ATF6: variants seen among roughly 807,000 people sequenced by gnomAD.
The protein encoded by ATF6 is activating transcription factor 6, also known as cyclic AMP-dependent transcription factor ATF-6 alpha.
A neutral mutation model predicts 83.6 loss-of-function variants in ATF6; 53 were observed. That is an observed-to-expected ratio of 0.63 (90% CI 0.51 to 0.80). The LOEUF (loss-of-function observed/expected upper bound fraction) is 0.80. Ranked by LOEUF, ATF6 falls within the 30% of genes least tolerant of loss-of-function variation. The pLI, the probability that ATF6 is intolerant of heterozygous loss-of-function variation, is 0.00. For missense variants in ATF6, 744 were observed against 797.9 expected (o/e 0.93, Z 0.81); for synonymous variants, 288 against 285.8 (o/e 1.01, Z -0.08).
At chr1:161,859,961 T>C (rs1249898251) in intron 12 of ATF6, among the ~76,000 whole-genome samples, 1 of 152,178 alleles carries the variant, frequency 6.6e-6, no homozygotes, top group Non-Finnish European at 1.5e-5. Context: ...GACTAGCTTT[T>C]GGGCTCTTTC....
intron 2 of ATF6, among the ~76,000 whole-genome samples, chr1:161,781,308 AAGTG>A (rs1028601522): frequency 2.6e-5 from 4 of 152,176 alleles, no homozygotes; most frequent in Admixed American, 2.6e-4. Flanking sequence ...TAGGATTAAA[AAGTG>A]GTGTTTTTTT....
At chr1:161,841,154 C>G (rs1162712559) in intron 9 of ATF6, among the ~76,000 whole-genome samples, 1 of 152,164 alleles carries the variant, frequency 6.6e-6, no homozygotes, top group Non-Finnish European at 1.5e-5. Flanking sequence ...TTCTCATACT[C>G]TTTTATACAT....
chr1:161,851,729 C>CAGAAACAG lies in ATF6; in HGVS notation c.1328_1329insGAAACAGA (p.His443GlnfsTer12). The CAGAAACAG allele has an allele frequency of 6.2e-7, 1 of 1,611,808 alleles. No homozygotes were observed. ...TGTGCATCCATGTTTCAGATATGAT[C>CAGAAACAG]ATTCTGTTTCAAATGACAAAGCCCT... On this transcript the variant is annotated frameshift_variant, in exon 11 of 16. Transcript: ENST00000367942. LOFTEE classifies it high-confidence loss of function.
At chr1:161,925,175 C>T (rs1418587575) in intron 15 of ATF6, among the ~76,000 whole-genome samples, 3 of 152,164 alleles carry the variant, frequency 2.0e-5, no homozygotes, top group Admixed American at 6.5e-5. Context: ...CATGGTGCCT[C>T]GATTCTGGTC....
At chr1:161,868,497 C>G (rs1687057865) in intron 14 of ATF6, among the ~76,000 whole-genome samples, 3 of 152,008 alleles carry the variant, frequency 2.0e-5, no homozygotes, top group Admixed American at 6.6e-5. Flanking sequence ...ATATGATAAG[C>G]CTTTTGAAGG....
intron 14 of ATF6, among the ~76,000 whole-genome samples, chr1:161,869,979 G>A (rs913231723): frequency 2.0e-5 from 3 of 151,578 alleles, no homozygotes; most frequent in Non-Finnish European, 4.4e-5. Context: ...AAAATGGTAA[G>A]CATTAGAACT....
chr1:161,843,156 T>A (rs1686399168), intron 9 of ATF6, among the ~76,000 whole-genome samples: 1 of 152,184 alleles, frequency 6.6e-6, no homozygotes, highest in South Asian at 2.1e-4. Context: ...CTGGAGCCAT[T>A]TAGACGTGCC....
rs546890203 is a variant in ATF6, at chr1:161,787,437, T to C, written c.354+3341T>C. ...CCAGCTCTTATGTTCTTTTAACATG[T>C]CTCCTTTGGGCTCTGATGTCCTTAC... On this transcript the variant is annotated intron_variant, in intron 4 of 15. Coordinates refer to ENST00000367942, the MANE Select transcript of ATF6 (RefSeq NM_007348.4). Among the ~76,000 whole-genome samples, 10 of 152,312 alleles carry C rather than the reference T, an allele frequency of 6.6e-5. No homozygotes were observed. The South Asian group carries it at 1.9e-3, about 28-fold the overall frequency.
intron 14 of ATF6, among the ~76,000 whole-genome samples, chr1:161,885,617 A>T (rs1687403699): frequency 6.6e-6 from 1 of 152,168 alleles, no homozygotes; most frequent in South Asian, 2.1e-4. Flanking sequence ...TTCAGAGGAA[A>T]AAAGAAAAAG....
At chr1:161,877,346 T>C (rs1326164394) in intron 14 of ATF6, among the ~76,000 whole-genome samples, 2 of 152,040 alleles carry the variant, frequency 1.3e-5, no homozygotes, top group Admixed American at 6.6e-5. Context: ...AAACACACAA[T>C]GGACTCAGAG....
At chr1:161,898,968 G>T (rs1461969557) in intron 14 of ATF6, among the ~76,000 whole-genome samples, 7 of 152,094 alleles carry the variant, frequency 4.6e-5, no homozygotes, top group South Asian at 2.1e-4. Flanking sequence ...AAAGTATTCT[G>T]AATTAAATTG....
At chr1:161,927,749 A>C (rs1688346714) in intron 15 of ATF6, among the ~76,000 whole-genome samples, 1 of 152,220 alleles carries the variant, frequency 6.6e-6, no homozygotes, top group Admixed American at 6.5e-5. Context: ...TTTCCCATTT[A>C]AAATAGATAA....
rs115782472 is a variant in ATF6, at chr1:161,868,416, G to A, written c.1719+5104G>A. 9.9e-3 allele frequency among the ~76,000 whole-genome samples: 1,505 copies of A among 152,084 alleles called. 8 individuals are homozygous for A. Among genetic ancestry groups the A allele is most frequent in the South Asian group, 0.017 (83 of 4,816 alleles). ...TATTATTCTTTTTTCCCCGTTCTTAGTAAGTGTGCATTAAATTCTTTCTTG... is the reference window on the plus strand; with the variant it reads ...TATTATTCTTTTTTCCCCGTTCTTAATAAGTGTGCATTAAATTCTTTCTTG... On this transcript the variant is annotated intron_variant, in intron 14 of 15. Coordinates refer to ENST00000367942, the MANE Select transcript of ATF6 (RefSeq NM_007348.4).
intron 1 of ATF6, among the ~76,000 whole-genome samples, chr1:161,772,562 C>G (rs1684414262): frequency 6.6e-6 from 1 of 152,140 alleles, no homozygotes; most frequent in African/African-American, 2.4e-5. Flanking sequence ...TGGCTTCTTG[C>G]TCCTAGCTAG....
intron 14 of ATF6, among the ~76,000 whole-genome samples, chr1:161,899,283 A>G (rs1443206843): frequency 6.6e-6 from 1 of 152,250 alleles, no homozygotes; most frequent in Admixed American, 6.5e-5. Flanking sequence ...CAACAGCTGC[A>G]AGTTATTCCA....
intron 15 of ATF6, among the ~76,000 whole-genome samples, chr1:161,949,598 T>C (rs116074746): frequency 6.6e-6 from 1 of 152,210 alleles, no homozygotes; most frequent in African/African-American, 2.4e-5. Context: ...TGCCAGCATC[T>C]GCTTCTGGTG....
At chr1:161,896,750 T>C (rs1170836221) in intron 14 of ATF6, among the ~76,000 whole-genome samples, 1 of 152,222 alleles carries the variant, frequency 6.6e-6, no homozygotes, top group Non-Finnish European at 1.5e-5. Context: ...TTTGAAAGTG[T>C]GAAGTATTTA....
intron 3 of ATF6, among the ~76,000 whole-genome samples, chr1:161,782,830 A>G (rs1021247835): frequency 7.9e-5 from 12 of 152,162 alleles, no homozygotes. Flanking sequence ...TTAAAGCAAC[A>G]ACCATTTTAT....
chr1:161,809,236 T>A (rs1685388086), intron 7 of ATF6, among the ~76,000 whole-genome samples: 1 of 149,408 alleles, frequency 6.7e-6, no homozygotes, highest in South Asian at 2.2e-4. Flanking sequence ...GATGTTCCCC[T>A]TCCTGTGTCC....
Sources: gnomAD v4.1 joint callset for allele counts (sites outside exome capture counted in the v4.1 genomes callset) on GRCh38, gnomAD v4.1.1 for gene constraint, MANE v1.5 for transcripts, NCBI Gene and HGNC (gene_info 2026-07-23, HGNC 2026-07-21) for gene names.